The following PLP2 variants were observed in gnomAD, a reference collection of about 807,000 sequenced individuals.
The protein encoded by PLP2 is A4 differentiation-dependent protein.
A neutral mutation model predicts 11.4 loss-of-function variants in PLP2; 8 were observed. The ratio of observed to expected loss-of-function variants is 0.70; its 90% CI spans 0.41 to 1.27. The LOEUF is 1.27. Ranked by LOEUF, PLP2 falls within the 50% of genes most tolerant of loss-of-function variation. The pLI, the probability that PLP2 is intolerant of heterozygous loss-of-function variation, is 0.01. For missense variants in PLP2, 127 were observed against 123.5 expected (o/e 1.03, Z -0.14); for synonymous variants, 50 against 53.2 (o/e 0.94, Z 0.26).
rs371951932 is a variant in PLP2, at chrX:49,172,379, T to C, written c.96+283T>C. Among the ~76,000 whole-genome samples, 88 of 110,800 alleles carry C rather than the reference T, an allele frequency of 7.9e-4. 4 individuals carry two copies. The highest frequency in any genetic ancestry group is 6.3e-3 in the East Asian group (22 of 3,479). On this transcript the variant is annotated intron_variant, in intron 1 of 4. Coordinates refer to ENST00000376327, the MANE Select transcript of PLP2 (RefSeq NM_002668.3). Reference sequence around the variant, plus strand: ...CTGCGTGAACTCATCAGTGGACGCATCGAAGGGGTCCCAGGGTGCTGGGAA... The same window carrying C: ...CTGCGTGAACTCATCAGTGGACGCACCGAAGGGGTCCCAGGGTGCTGGGAA...
chrX:49,172,167 C>T (rs974604020), intron 1 of PLP2, 71 bp downstream of exon 1: 2 of 779,393 alleles, frequency 2.6e-6, no homozygotes, highest in African/African-American at 4.1e-5. Flanking sequence ...ACTGGATGGT[C>T]CGGGTGAGGC....
chrX:49,174,660 C>T lies in PLP2; in HGVS notation c.437-12C>T, dbSNP rs1557099620. 8.3e-7 allele frequency: 1 copy of T among 1,204,964 alleles called. No individual in the cohort carries two copies. Among genetic ancestry groups the T allele is most frequent in the Non-Finnish European group, 1.1e-6 (1 of 889,578 alleles). ...ATTCAGCCAATGCTTTCTCTCTTTTCCTCACCTGCAGACCCCGCAGATGGC... is the reference window on the plus strand; with the variant it reads ...ATTCAGCCAATGCTTTCTCTCTTTTTCTCACCTGCAGACCCCGCAGATGGC... On this transcript the variant is annotated splice_polypyrimidine_tract_variant and intron_variant, in intron 4 of 4. Coordinates refer to ENST00000376327, the MANE Select transcript of PLP2 (RefSeq NM_002668.3).
In PLP2 at chrX:49,174,951, C is replaced by G; in HGVS notation, c.*257C>G. On this transcript the variant is annotated 3_prime_UTR_variant, in exon 5 of 5. Transcript: ENST00000376327. ...AGTTCTGACTGAACCATGCCCCCAC[C>G]TAAGTCACAAAATGAGGGAAGTGGG... 2.3e-6 allele frequency: 1 copy of G among 439,666 alleles called. No homozygotes were observed. Among genetic ancestry groups the G allele is most frequent in the South Asian group, 3.4e-5 (1 of 29,167 alleles). The allele number at this position is 439,666 out of a possible 1,213,427, so 36.2% of individuals were successfully genotyped here. A position where few individuals can be genotyped will look rare whatever the true frequency, so the allele number is the denominator to read the frequency against.
At position 49,174,986 on chromosome X, in the gene PLP2, T is replaced by C; in HGVS notation, c.*292T>C. Reference sequence around the variant, plus strand: ...AAATGAGGGAAGTGGGGAGTTAGATTTCAGAGTCCAGGCCCTAGGTTGGGA... The same window carrying C: ...AAATGAGGGAAGTGGGGAGTTAGATCTCAGAGTCCAGGCCCTAGGTTGGGA... On this transcript the variant is annotated 3_prime_UTR_variant, in exon 5 of 5. Transcript: ENST00000376327. The C allele has an allele frequency of 2.3e-6, 1 of 428,297 alleles. No homozygotes were observed. The allele number at this position is 428,297 out of a possible 1,213,427, so 35.3% of individuals were successfully genotyped here.
rs2065399695 is a variant in PLP2 at position 49,173,462 on chromosome X, C to T, written c.324C>T (p.Asn108=). 3 of 1,209,859 alleles carry T rather than the reference C, an allele frequency of 2.5e-6. No homozygotes were observed. Among genetic ancestry groups the T allele is most frequent in the African/African-American group, 1.8e-5 (1 of 57,095 alleles). The change falls in exon 3 of 5, where the codon AAC becomes AAT. Residue 108 remains asparagine, a synonymous_variant. Transcript: ENST00000376327. ...TTGTTGTCCTTGTTGAGAGAGGAAA[C>T]CACTCCAAAATCGTCGCAGGGGTAA... is the stretch of plus-strand genomic sequence containing the variant. ...TSIVVLVERG[N]HSKIVAGVLG...
At position 49,175,213 on chromosome X, in the gene PLP2, T is replaced by C. The variant is rs2147869374; in HGVS notation, c.*519T>C. The C allele has an allele frequency of 5.9e-6, 1 of 170,248 alleles. No individual in the cohort carries two copies. Among genetic ancestry groups the C allele is most frequent in the South Asian group, 1.3e-4 (1 of 7,640 alleles). 14.0% of individuals were successfully genotyped at this position (170,248 alleles called of 1,213,427 possible). On this transcript the variant is annotated 3_prime_UTR_variant, in exon 5 of 5. Transcript: ENST00000376327. ...AGCCAGGCCTGTTTTACAACAAATA[T>C]TAAATTACTTCAATAATACAAACGA...
At chrX:49,172,187 G>T (rs2065395031) in intron 1 of PLP2, 91 bp downstream of exon 1, 2 of 674,001 alleles carry the variant, frequency 3.0e-6, no homozygotes, top group Non-Finnish European at 2.3e-6. Context: ...CAGGCACTTG[G>T]CCGGGGCGCT....
rs1557099633 is a variant in PLP2 at position 49,174,691 on chromosome X, G to A, written c.456G>A (p.Val152=). The A allele has an allele frequency of 8.3e-7, 1 of 1,204,482 alleles. No homozygotes were observed. Among genetic ancestry groups the A allele is most frequent in the South Asian group, 1.8e-5 (1 of 56,653 alleles). The change falls in exon 5 of 5, where the codon GTG becomes GTA. Residue 152 remains valine, a synonymous_variant. Transcript: ENST00000376327. ...AAPTDPADGP[V] is the part of the protein sequence containing the mutation. ...CTGCAGACCCCGCAGATGGCCCGGT[G>A]TAGGCGAACTTCCCTCATTTCTCTC... is the stretch of plus-strand genomic sequence containing the variant.
At chrX:49,172,945 C>G (rs1158277790) in intron 1 of PLP2, among the ~76,000 whole-genome samples, 184 bp from the exon 2 acceptor site, 1 of 112,484 alleles carries the variant, frequency 8.9e-6, no homozygotes. Flanking sequence ...TAATAGTACC[C>G]AGAGCATTAG....
In PLP2 at chrX:49,172,010, T is replaced by A; in HGVS notation, c.10T>A (p.Ser4Thr). Residue 4 changes from serine (S) to threonine (T), a missense_variant, in exon 1 of 5, where the codon TCT becomes ACT. Physicochemically the swap from Ser to Thr is moderately conservative, Grantham distance 58 (BLOSUM62 1). Transcript: ENST00000376327. The part of the protein sequence containing the change: MAD[S>T]ERLSAPGCWA... ...GACTCCAGCCCATGCCATGGCGGAT[T>A]CTGAGCGCCTCTCGGCTCCTGGCTG... is the stretch of plus-strand genomic sequence containing the variant. 8.3e-7 allele frequency: 1 copy of A among 1,199,156 alleles called. No homozygotes were observed. The highest frequency in any genetic ancestry group is 1.1e-6 in the Non-Finnish European group (1 of 884,627).
rs1160039915 is a variant in PLP2, at chrX:49,174,739, C to T, written c.*45C>T. The T allele has an allele frequency of 9.2e-7, 1 of 1,091,840 alleles. No homozygotes were observed. Among genetic ancestry groups the T allele is most frequent in the East Asian group, 3.0e-5 (1 of 33,158 alleles). The allele number at this position is 1,091,840 out of a possible 1,213,427, so 90.0% of individuals were successfully genotyped here. ...CTCTGCAATCTGCAAATAACTCCTC[C>T]ATTGAAATAACTCCTCCCCACCCCA... On this transcript the variant is annotated 3_prime_UTR_variant, in exon 5 of 5. Transcript: ENST00000376327.
intron 4 of PLP2, 33 bp downstream of exon 4, chrX:49,174,458 G>C: frequency 8.9e-7 from 1 of 1,123,906 alleles, no homozygotes; most frequent in Non-Finnish European, 1.2e-6. Flanking sequence ...TGGGGGTAAG[G>C]GGGTTGCTGA....
chrX:49,172,536 G>A (rs1557099319), intron 1 of PLP2, among the ~76,000 whole-genome samples: 1 of 112,324 alleles, frequency 8.9e-6, no homozygotes, highest in African/African-American at 3.2e-5. Flanking sequence ...AGAGCGCCCC[G>A]CCCTTCGCCA....
Position 49,172,095 on chromosome X carries a change from T to C in PLP2, c.95T>C (p.Ile32Thr). ...AAGGGAATCCTCCTGTTTGCTGAGA[T>C]TGTGAGCGTTCTGGGGCAGGCGCGT... ...TRKGILLFAE[I>T]ILCLVILICF... is the part of the protein sequence containing the mutation. The change falls in exon 1 of 5, where the codon ATT becomes ACT. Residue 32 changes from isoleucine to threonine, a missense_variant and splice_region_variant. By Grantham distance (89) the Ile-to-Thr change is moderately conservative (BLOSUM62 -1). Transcript: ENST00000376327. 2 of 1,179,013 alleles carry C rather than the reference T, an allele frequency of 1.7e-6. No homozygotes were observed. Among genetic ancestry groups the C allele is most frequent in the Non-Finnish European group, 2.3e-6 (2 of 866,941 alleles).
In PLP2 at chrX:49,174,799, C is replaced by T. The variant is rs1249464171; in HGVS notation, c.*105C>T. ...TTCCCAGCAGACCAACTCCCACCCC[C>T]TCTTTGAGGTAAAAGTGCCTTTATT... On this transcript the variant is annotated 3_prime_UTR_variant, in exon 5 of 5. Transcript: ENST00000376327. The T allele has an allele frequency of 1.4e-5, 10 of 707,869 alleles. No homozygotes were observed. Among genetic ancestry groups the T allele is most frequent in the Non-Finnish European group, 2.0e-5 (9 of 451,804 alleles). 58.3% of individuals were successfully genotyped at this position (707,869 alleles called of 1,213,427 possible).
Position 49,174,395 on chromosome X carries a change from C to T in PLP2, c.406C>T (p.Arg136Trp), listed in dbSNP as rs782265454. The change falls in exon 4 of 5, where the codon CGG (arginine) becomes TGG (tryptophan). Residue 136 changes from arginine (R) to tryptophan (W), a missense_variant. Transcript: ENST00000376327. ...GYDAYVTFPV[R>W]QPRHTAAPTD... Reference sequence around the variant, plus strand: ...TGATGCCTATGTCACCTTCCCCGTTCGGCAGCCAAGACATACAGCAGCCCC... The same window carrying T: ...TGATGCCTATGTCACCTTCCCCGTTTGGCAGCCAAGACATACAGCAGCCCC... The T allele has an allele frequency of 2.1e-5, 25 of 1,201,888 alleles. No homozygotes were observed. Among genetic ancestry groups the T allele is most frequent in the African/African-American group, 7.2e-5 (4 of 55,480 alleles).
chrX:49,173,735 T>G, intron 3 of PLP2: 1 of 502,352 alleles, frequency 2.0e-6, no homozygotes, highest in Non-Finnish European at 3.3e-6. Flanking sequence ...GTCAATGCAC[T>G]AGACTACCAT....
chrX:49,173,718 C>A, intron 3 of PLP2: 1 of 616,692 alleles, frequency 1.6e-6, no homozygotes, highest in Non-Finnish European at 2.5e-6. Flanking sequence ...AAACAGGCGG[C>A]CCCTTTGTCA....
In PLP2 at chrX:49,171,950, C is replaced by G; in HGVS notation, c.-51C>G. 1.1e-6 allele frequency: 1 copy of G among 910,555 alleles called. No individual in the cohort carries two copies. The highest frequency in any genetic ancestry group is 1.6e-6 in the Non-Finnish European group (1 of 630,209). The allele number at this position is 910,555 out of a possible 1,213,427, so 75.0% of individuals were successfully genotyped here. A position where few individuals can be genotyped will look rare whatever the true frequency, so the allele number is the denominator to read the frequency against. On this transcript the variant is annotated 5_prime_UTR_variant, in exon 1 of 5. Coordinates refer to ENST00000376327, the MANE Select transcript of PLP2 (RefSeq NM_002668.3). Reference sequence around the variant, plus strand: ...GCTGGGTGTACAGCGTCCTCGAAACCACGAGCAAGTGAGCAGATCCTCCGA... The same window carrying G: ...GCTGGGTGTACAGCGTCCTCGAAACGACGAGCAAGTGAGCAGATCCTCCGA...
Sources: gnomAD v4.1 joint callset for allele counts (sites outside exome capture counted in the v4.1 genomes callset) on GRCh38, gnomAD v4.1.1 for gene constraint, MANE v1.5 for transcripts, NCBI Gene and HGNC (gene_info 2026-07-23, HGNC 2026-07-21) for gene names.